ABLIM3: variants seen among roughly 807,000 people sequenced by gnomAD.
The protein encoded by ABLIM3 is actin binding LIM protein family member 3.
ABLIM3 carries 61 observed loss-of-function variants against 109.5 expected under a neutral mutation model. That is an observed-to-expected ratio of 0.56 (90% CI 0.45 to 0.69). The LOEUF (loss-of-function observed/expected upper bound fraction) is 0.69, where lower values mean the gene tolerates loss of function less well. Among genes scored for constraint, ABLIM3 ranks in the 30% least tolerant of loss-of-function variants. The probability of loss-of-function intolerance (pLI) is 0.00; values close to 1 mark genes in which losing one functional copy is unlikely to be tolerated. For synonymous variants in ABLIM3, 300 were observed against 324.8 expected, an observed-to-expected ratio of 0.92 and a Z score of 0.82; for missense variants, 796 against 889.5, an observed-to-expected ratio of 0.89 and a Z score of 1.34.
intron 2 of ABLIM3, 35 bp downstream of exon 2, chr5:149,142,143 A>C: frequency 2.3e-4 from 211 of 934,656 alleles, no homozygotes; most frequent in Non-Finnish European, 2.9e-4. Context: ...CCATGGGAAC[A>C]GGGGTGGGGG....
intron 22 of ABLIM3, 144 bp downstream of exon 22, chr5:149,252,352 C>A (rs1754015701): frequency 1.6e-5 from 14 of 859,738 alleles, no homozygotes; most frequent in Non-Finnish European, 2.4e-5. Flanking sequence ...ACCAACATTT[C>A]CTGTCCCTTC....
At chr5:149,142,995 G>A (rs1752621194) in intron 2 of ABLIM3, among the ~76,000 whole-genome samples, 1 of 152,016 alleles carries the variant, frequency 6.6e-6, no homozygotes. Flanking sequence ...ACTTCCCTGG[G>A]TCTATGACTT....
In ABLIM3 at chr5:149,185,774, G is replaced by A. The variant is rs1050327717; in HGVS notation, c.151+2185G>A. 6.6e-5 allele frequency among the ~76,000 whole-genome samples: 10 copies of A among 152,156 alleles called. 1 individual carries two copies. The highest frequency in any genetic ancestry group is 2.4e-4 in the African/African-American group (10 of 41,442). Reference sequence around the variant, plus strand: ...ATCTAAAGAATCTAAAAATTGTTATGAATTTCTTTTACGACTCTTTTAACA... The same window carrying A: ...ATCTAAAGAATCTAAAAATTGTTATAAATTTCTTTTACGACTCTTTTAACA... On this transcript the variant is annotated intron_variant, in intron 3 of 23. Coordinates refer to ENST00000309868, the MANE Select transcript of ABLIM3 (RefSeq NM_014945.5).
intron 7 of ABLIM3, among the ~76,000 whole-genome samples, chr5:149,213,315 CAGAA>C (rs1026481485): frequency 6.6e-6 from 1 of 152,098 alleles, no homozygotes; most frequent in African/African-American, 2.4e-5. Flanking sequence ...GAAAGCGACT[CAGAA>C]AGAGACTGAG....
intron 18 of ABLIM3, 108 bp downstream of exon 18, chr5:149,248,037 G>T: frequency 2.2e-6 from 3 of 1,339,792 alleles, no homozygotes; most frequent in Non-Finnish European, 3.0e-6. Flanking sequence ...CACAGCCCAT[G>T]CATCCTCTCT....
chr5:149,217,183 T>A, intron 8 of ABLIM3, 137 bp downstream of exon 8: 1 of 794,686 alleles, frequency 1.3e-6, no homozygotes, highest in Non-Finnish European at 2.1e-6. Flanking sequence ...GAATTGCAAT[T>A]AATTGGCCCC....
chr5:149,252,679 C>A, intron 22 of ABLIM3, 78 bp from the exon 23 acceptor site: 4 of 1,078,210 alleles, frequency 3.7e-6, no homozygotes, highest in Admixed American at 1.8e-5. Context: ...GAACAGAGAG[C>A]CCAGACACAA....
chr5:149,160,776 G>T (rs1754282291), intron 2 of ABLIM3, among the ~76,000 whole-genome samples: 1 of 152,152 alleles, frequency 6.6e-6, no homozygotes, highest in South Asian at 2.1e-4. Context: ...CCATCTGTTG[G>T]GCTGTAAGCT....
chr5:149,172,415 G>A (rs1261572570), intron 2 of ABLIM3, among the ~76,000 whole-genome samples: 1 of 152,146 alleles, frequency 6.6e-6, no homozygotes, highest in East Asian at 1.9e-4. Context: ...ACCACCGCCT[G>A]CCCCTGAGTA....
At chr5:149,171,107 A>C (rs548977359) in intron 2 of ABLIM3, among the ~76,000 whole-genome samples, 1 of 152,264 alleles carries the variant, frequency 6.6e-6, no homozygotes, top group South Asian at 2.1e-4. Flanking sequence ...TTGTGGGTAT[A>C]ATTTAGTCAT....
At chr5:149,148,964 C>T (rs985579866) in intron 2 of ABLIM3, among the ~76,000 whole-genome samples, 4 of 152,252 alleles carry the variant, frequency 2.6e-5, no homozygotes, top group Admixed American at 6.5e-5. Flanking sequence ...ACATACTGCT[C>T]CTACTCATTT....
chr5:149,144,554 C>A (rs1228949351), intron 2 of ABLIM3, among the ~76,000 whole-genome samples: 1 of 152,144 alleles, frequency 6.6e-6, no homozygotes, highest in Non-Finnish European at 1.5e-5. Context: ...TCTTTCACTT[C>A]TATTTATTTA....
chr5:149,188,672 CTCA>C (rs1484512969), intron 3 of ABLIM3, among the ~76,000 whole-genome samples: 2 of 152,168 alleles, frequency 1.3e-5, no homozygotes, highest in African/African-American at 4.8e-5. Flanking sequence ...GAGTACTAAT[CTCA>C]TCATGAGGGC....
chr5:149,154,400 C>T (rs1044869839), intron 2 of ABLIM3, among the ~76,000 whole-genome samples: 2 of 152,152 alleles, frequency 1.3e-5, no homozygotes, highest in African/African-American at 4.8e-5. Flanking sequence ...AGAGACAGAG[C>T]CTGGGCCTGT....
At position 149,194,620 on chromosome 5, in the gene ABLIM3, C is replaced by T. The variant is rs1369083294; in HGVS notation, c.152-3599C>T. Among the ~76,000 whole-genome samples the T allele has an allele frequency of 4.6e-5, 7 of 152,316 alleles. No individual in the cohort carries two copies. The South Asian group carries it at 8.3e-4, about 18-fold the overall frequency. On this transcript the variant is annotated intron_variant, in intron 3 of 23. Transcript: ENST00000309868. ...AGTGAAAATGAGTGAACTGCAGTTA[C>T]GTGCATCGACGTGGATGAATCTCAA...
intron 19 of ABLIM3, 26 bp downstream of exon 19, chr5:149,249,870 G>T: frequency 6.2e-7 from 1 of 1,614,040 alleles, no homozygotes; most frequent in Non-Finnish European, 8.5e-7. Flanking sequence ...CCTACCTTCA[G>T]CCCATCATGT....
At chr5:149,218,321 G>A (rs75097512) in intron 8 of ABLIM3, 4,335 of 152,248 alleles carry the variant, frequency 0.028, 94 homozygotes, top group Non-Finnish European at 0.036. Context: ...GCTCTCTGGC[G>A]CCTCTTTTAT....
rs1432559805 is a variant in ABLIM3 at position 149,198,948 on chromosome 5, T to C, written c.335+546T>C. The stretch of plus-strand genomic sequence containing the variant: ...GTTTTCTCGAAGATCAATGAGATGA[T>C]GATGCAAAGGCATTAGCTCAGTGAT... On this transcript the variant is annotated intron_variant, in intron 4 of 23. Transcript: ENST00000309868. This position sits in a 1 kb window ranked among gnomAD's most constrained non-coding sequence, Gnocchi z 4.2. 19 of 404,936 alleles carry C rather than the reference T, an allele frequency of 4.7e-5. No individual in the cohort carries two copies. Among genetic ancestry groups the C allele is most frequent in the Admixed American group, 4.3e-4 (16 of 36,868 alleles). 25.1% of individuals were successfully genotyped at this position (404,936 alleles called of 1,614,324 possible).
chr5:149,149,150 G>C (rs1425549944), intron 2 of ABLIM3, among the ~76,000 whole-genome samples: 1 of 152,196 alleles, frequency 6.6e-6, no homozygotes, highest in Non-Finnish European at 1.5e-5. Context: ...GCAAGAACCT[G>C]AGCTTTGGGG....
Sources: gnomAD v4.1 joint callset for allele counts (sites outside exome capture counted in the v4.1 genomes callset) on GRCh38, gnomAD v4.1.1 for gene constraint, Gnocchi (gnomAD v3.1) non-coding constraint, MANE v1.5 for transcripts, NCBI Gene and HGNC (gene_info 2026-07-23, HGNC 2026-07-21) for gene names.